The following ARHGAP6 variants were observed in gnomAD, a reference collection of about 807,000 sequenced individuals.
ARHGAP6 encodes Rho GTPase activating protein 6, also known as rho GTPase-activating protein 6.
A neutral mutation model predicts 55.7 loss-of-function variants in ARHGAP6; 16 were observed. The ratio of observed to expected loss-of-function variants is 0.29; its 90% CI spans 0.19 to 0.44. ARHGAP6 has a LOEUF of 0.44. Among genes scored for constraint, ARHGAP6 ranks in the 20% least tolerant of loss-of-function variants. ARHGAP6 has a pLI of 1.00. For synonymous variants in ARHGAP6, 382 were observed against 360.9 expected (o/e 1.06, Z -0.66); for missense variants, 698 against 808.9 (o/e 0.86, Z 1.66).
intron 1 of ARHGAP6, among the ~76,000 whole-genome samples, chrX:11,455,166 G>A (rs1158210692): frequency 8.9e-6 from 1 of 112,084 alleles, no homozygotes; most frequent in East Asian, 2.8e-4. Context: ...TCCTCTATTT[G>A]CTTTCCAGGC....
At chrX:11,546,582 T>C (rs2051213762) in intron 1 of ARHGAP6, among the ~76,000 whole-genome samples, 1 of 111,681 alleles carries the variant, frequency 9.0e-6, no homozygotes, top group South Asian at 3.7e-4. Flanking sequence ...GGGTTGCTGT[T>C]TGTCTTCTAC....
chrX:11,230,239 C>T (rs1217673533), intron 2 of ARHGAP6, among the ~76,000 whole-genome samples: 1 of 111,595 alleles, frequency 9.0e-6, no homozygotes, highest in Admixed American at 9.5e-5. Flanking sequence ...CACTCTGTCA[C>T]CAGGCTGGAG....
At chrX:11,622,648 G>A (rs966665161) in intron 1 of ARHGAP6, among the ~76,000 whole-genome samples, 3 of 110,585 alleles carry the variant, frequency 2.7e-5, no homozygotes, top group Non-Finnish European at 5.7e-5. Flanking sequence ...GGGATTGAGG[G>A]AAATCAAATT....
At chrX:11,491,236 C>A in intron 1 of ARHGAP6, among the ~76,000 whole-genome samples, 1 of 111,713 alleles carries the variant, frequency 9.0e-6, no homozygotes, top group African/African-American at 3.3e-5. Flanking sequence ...TATTATTATA[C>A]TTTAAGTTTT....
chrX:11,650,926 T>A (rs2052577078), intron 1 of ARHGAP6, among the ~76,000 whole-genome samples: 1 of 112,253 alleles, frequency 8.9e-6, no homozygotes, highest in Admixed American at 9.4e-5. Flanking sequence ...TGACACATTC[T>A]GACAATATCA....
intron 1 of ARHGAP6, among the ~76,000 whole-genome samples, chrX:11,363,475 T>C (rs1465859703): frequency 2.7e-5 from 3 of 112,095 alleles, no homozygotes; most frequent in Non-Finnish European, 5.6e-5. Flanking sequence ...GCCAAATATA[T>C]AACTTTGAGG....
At chrX:11,610,002 A>C (rs2052083246) in intron 1 of ARHGAP6, among the ~76,000 whole-genome samples, 1 of 110,709 alleles carries the variant, frequency 9.0e-6, no homozygotes, top group Non-Finnish European at 1.9e-5. Context: ...ATTTTAGAGG[A>C]GGTTTCTGTT....
At chrX:11,320,295 G>A (rs2048415482) in intron 1 of ARHGAP6, among the ~76,000 whole-genome samples, 1 of 111,872 alleles carries the variant, frequency 8.9e-6, no homozygotes, top group Non-Finnish European at 1.9e-5. Context: ...AATATGGGCT[G>A]TGCTGTCTCA....
Position 11,326,407 on chromosome X carries a change from C to T in ARHGAP6, c.589-71700G>A, listed in dbSNP as rs138585160. On this transcript the variant is annotated intron_variant, in intron 1 of 12. Coordinates refer to ENST00000337414, the MANE Select transcript of ARHGAP6 (RefSeq NM_013427.3). ...CCTCCCAAAGTGCTGGGATTACAGGCGTGAGCCATCGCGCCCAGCTGGGAT... is the reference window on the plus strand; with the variant it reads ...CCTCCCAAAGTGCTGGGATTACAGGTGTGAGCCATCGCGCCCAGCTGGGAT... 8.6e-3 allele frequency among the ~76,000 whole-genome samples: 958 copies of T among 111,167 alleles called. 8 individuals carry two copies. Among genetic ancestry groups the T allele is most frequent in the African/African-American group, 0.03 (911 of 30,611 alleles).
At chrX:11,192,321 T>C (rs113097926) in intron 3 of ARHGAP6, among the ~76,000 whole-genome samples, 3,675 of 111,421 alleles carry the variant, frequency 0.033, 54 homozygotes, top group Middle Eastern at 0.07. Context: ...TTCCATTTAC[T>C]TCTCTCCACT....
At chrX:11,225,284 C>A (rs891148750) in intron 2 of ARHGAP6, among the ~76,000 whole-genome samples, 4 of 110,545 alleles carry the variant, frequency 3.6e-5, no homozygotes, top group African/African-American at 1.3e-4. Context: ...CATCTATGTG[C>A]ATACTGAAAT....
At chrX:11,382,565 T>G (rs1460239676) in intron 1 of ARHGAP6, among the ~76,000 whole-genome samples, 4 of 111,745 alleles carry the variant, frequency 3.6e-5, no homozygotes, top group African/African-American at 1.3e-4. Flanking sequence ...AATCCACTCT[T>G]TATAATTTTG....
chrX:11,412,090 A>T (rs911533633), intron 1 of ARHGAP6, among the ~76,000 whole-genome samples: 1 of 111,578 alleles, frequency 9.0e-6, no homozygotes, highest in African/African-American at 3.3e-5. Context: ...TCCTATCTCT[A>T]CCCCAGAATT....
At chrX:11,163,580 C>T (rs931873052) in intron 9 of ARHGAP6, among the ~76,000 whole-genome samples, 3 of 112,399 alleles carry the variant, frequency 2.7e-5, no homozygotes, top group Admixed American at 9.4e-5. Flanking sequence ...ATCATGATGG[C>T]ATTTTGTAGT....
intron 1 of ARHGAP6, among the ~76,000 whole-genome samples, chrX:11,354,045 G>T (rs1327915021): frequency 9.1e-6 from 1 of 110,128 alleles, no homozygotes; most frequent in East Asian, 2.9e-4. Flanking sequence ...AGAAGAATTT[G>T]CTCTTTCATA....
In ARHGAP6 at chrX:11,570,363, T is replaced by C. The variant is rs143091125; in HGVS notation, c.588+93878A>G. On this transcript the variant is annotated intron_variant, in intron 1 of 12. Transcript: ENST00000337414. ...TGAACATAATTTATTTTATATGTTA[T>C]TGATATGAAAGTATAAATATTTGAT... Among the ~76,000 whole-genome samples the C allele has an allele frequency of 4.9e-3, 552 of 111,941 alleles. 3 individuals are homozygous for C. The highest frequency in any genetic ancestry group is 0.016 in the African/African-American group (502 of 30,813).
intron 1 of ARHGAP6, among the ~76,000 whole-genome samples, chrX:11,497,559 T>TCTCTCTCTCTCTC (rs2050635811): frequency 1.5e-4 from 6 of 41,144 alleles, no homozygotes; most frequent in Non-Finnish European, 1.7e-4. Flanking sequence ...CCCTCCCTCC[T>TCTCTCTCTCTCTC]TCTCTCTCTC....
intron 1 of ARHGAP6, among the ~76,000 whole-genome samples, chrX:11,654,410 C>T (rs2052617097): frequency 8.9e-6 from 1 of 111,843 alleles, no homozygotes; most frequent in Non-Finnish European, 1.9e-5. Context: ...ATTCAATTCA[C>T]TTCCAATTTC....
intron 1 of ARHGAP6, among the ~76,000 whole-genome samples, chrX:11,417,549 T>A (rs2049769250): frequency 9.0e-6 from 1 of 111,588 alleles, no homozygotes; most frequent in Admixed American, 9.5e-5. Context: ...TGTCCCAATG[T>A]CAGCTTCATG....
Sources: allele counts gnomAD v4.1 joint callset (sites outside exome capture counted in the v4.1 genomes callset), GRCh38; gene constraint gnomAD v4.1.1; transcripts MANE v1.5; gene names NCBI Gene and HGNC (gene_info 2026-07-23, HGNC 2026-07-21).